PCBP3: variants seen among roughly 807,000 people sequenced by gnomAD.
The protein encoded by PCBP3 is poly(rC) binding protein 3, also known as poly(rC)-binding protein 3.
In PCBP3, 25 loss-of-function variants were observed where a neutral mutation model predicts 52.7. That is an observed-to-expected ratio of 0.47 (90% CI 0.35 to 0.66). PCBP3 has a LOEUF of 0.66. PCBP3 is among the 30% of genes least tolerant of loss of function. The probability of loss-of-function intolerance (pLI) is 0.01; values close to 1 mark genes in which losing one functional copy is unlikely to be tolerated. For missense variants in PCBP3, 391 were observed against 490.3 expected, an observed-to-expected ratio of 0.80 and a Z score of 1.91; for synonymous variants, 162 against 183.0, an observed-to-expected ratio of 0.89 and a Z score of 0.93.
chr21:45,909,135 C>G (rs2096276620), intron 9 of PCBP3, among the ~76,000 whole-genome samples: 1 of 152,116 alleles, frequency 6.6e-6, no homozygotes, highest in Admixed American at 6.5e-5. Context: ...GGCACGGTGA[C>G]CATCCTGCCT....
intron 4 of PCBP3, among the ~76,000 whole-genome samples, chr21:45,756,342 T>G (rs1303687675): frequency 6.6e-6 from 1 of 152,234 alleles, no homozygotes; most frequent in East Asian, 1.9e-4. Context: ...AGCTTTATAA[T>G]AAGTCTTGAA....
chr21:45,838,331 C>G (rs553039446), intron 4 of PCBP3, among the ~76,000 whole-genome samples: 1 of 152,224 alleles, frequency 6.6e-6, no homozygotes, highest in South Asian at 2.1e-4. Context: ...GTGTTCCCAC[C>G]TTACCTTTTA....
At chr21:45,909,297 C>T in intron 9 of PCBP3, 58 bp from the exon 10 acceptor site, 1 of 1,568,366 alleles carries the variant, frequency 6.4e-7, no homozygotes, top group Non-Finnish European at 8.7e-7. Context: ...CCCCTGCCCT[C>T]CTGCTTTCTC....
intron 9 of PCBP3, among the ~76,000 whole-genome samples, chr21:45,902,278 CCCTAT>C (rs1255525925): frequency 1.4e-5 from 1 of 70,446 alleles, no homozygotes; most frequent in East Asian, 2.9e-4. Context: ...GCCAGTGTTC[CCCTAT>C]CGTAGGTGGC....
At chr21:45,714,355 T>C (rs1010540953) in intron 2 of PCBP3, among the ~76,000 whole-genome samples, 4 of 152,212 alleles carry the variant, frequency 2.6e-5, no homozygotes, top group Non-Finnish European at 4.4e-5. Context: ...TCTGGTTGCT[T>C]AGGCCAAAAG....
intron 10 of PCBP3, among the ~76,000 whole-genome samples, chr21:45,909,873 GGACCCGGCCA>G: frequency 1.3e-5 from 1 of 76,618 alleles, no homozygotes; most frequent in African/African-American, 5.4e-5. Flanking sequence ...GCCCAGATAC[GGACCCGGCCA>G]CCCACTGCCC....
intron 3 of PCBP3, chr21:45,748,072 T>TG (rs1268856770): frequency 6.5e-6 from 1 of 152,704 alleles, no homozygotes; most frequent in Admixed American, 6.5e-5. Context: ...CTGTTGCTGC[T>TG]GGTCCGTGGT....
At chr21:45,855,647 G>T (rs981262932) in intron 5 of PCBP3, among the ~76,000 whole-genome samples, 1 of 152,222 alleles carries the variant, frequency 6.6e-6, no homozygotes, top group Admixed American at 6.5e-5. Flanking sequence ...TCCGTACCCC[G>T]CCACCCTAGG....
intron 16 of PCBP3, among the ~76,000 whole-genome samples, chr21:45,937,987 C>T (rs923174230): frequency 2.0e-5 from 3 of 152,236 alleles, no homozygotes; most frequent in African/African-American, 7.2e-5. Context: ...GCAAAGGCAG[C>T]ACCCTCCAGA....
chr21:45,846,957 A>C (rs1264386994), intron 4 of PCBP3, among the ~76,000 whole-genome samples: 1 of 152,274 alleles, frequency 6.6e-6, no homozygotes, highest in Non-Finnish European at 1.5e-5. Flanking sequence ...TCACAGGGCC[A>C]AAACCATTTA....
chr21:45,781,757 T>A (rs1417361600), intron 4 of PCBP3, among the ~76,000 whole-genome samples: 1 of 152,218 alleles, frequency 6.6e-6, no homozygotes, highest in African/African-American at 2.4e-5. Flanking sequence ...ATCTATATAA[T>A]GGAATACTGA....
chr21:45,714,607 G>T lies in PCBP3; in HGVS notation c.-199-20785G>T, dbSNP rs531141900. Among the ~76,000 whole-genome samples, 7 of 152,284 alleles carry T rather than the reference G, an allele frequency of 4.6e-5. No individual in the cohort carries two copies. In the East Asian group the frequency reaches 1.3e-3, roughly 29 times the overall value. On this transcript the variant is annotated intron_variant, in intron 2 of 17. Coordinates refer to ENST00000681687, the MANE Select transcript of PCBP3 (RefSeq NM_001384156.1). ...AAGAATAAGCATATAATAGATAAAA[G>T]GCTGTAAAATGACAAGTCAAATTGA...
intron 4 of PCBP3, among the ~76,000 whole-genome samples, chr21:45,804,042 T>G (rs1472800672): frequency 6.6e-6 from 1 of 152,200 alleles, no homozygotes; most frequent in Non-Finnish European, 1.5e-5. Context: ...ATCTGTGGTG[T>G]TGTGGGCCTC....
At chr21:45,781,138 C>A (rs963449174) in intron 4 of PCBP3, among the ~76,000 whole-genome samples, 19 of 152,122 alleles carry the variant, frequency 1.2e-4, no homozygotes, top group Non-Finnish European at 2.5e-4. Context: ...AGCCCTGCTC[C>A]TGGTATAAGA....
At chr21:45,778,556 T>C (rs1000443297) in intron 4 of PCBP3, among the ~76,000 whole-genome samples, 2 of 152,076 alleles carry the variant, frequency 1.3e-5, no homozygotes, top group Non-Finnish European at 2.9e-5. Flanking sequence ...GTGGTGGCTG[T>C]GATGAGCAGG....
At chr21:45,767,102 G>A (rs1244398039) in intron 4 of PCBP3, among the ~76,000 whole-genome samples, 3 of 152,044 alleles carry the variant, frequency 2.0e-5, no homozygotes, top group Non-Finnish European at 2.9e-5. Flanking sequence ...AAGTGTATAA[G>A]TCAGTGGCAT....
chr21:45,905,236 C>T (rs931540614), intron 9 of PCBP3, among the ~76,000 whole-genome samples: 1 of 152,198 alleles, frequency 6.6e-6, no homozygotes. Flanking sequence ...CCCAGAGCAC[C>T]TCCTCCAACG....
At chr21:45,857,671 G>C (rs1382085685) in intron 5 of PCBP3, among the ~76,000 whole-genome samples, 3 of 152,048 alleles carry the variant, frequency 2.0e-5, no homozygotes, top group Middle Eastern at 3.2e-3. Context: ...CAGCCACCCT[G>C]GGCACAAGTT....
At chr21:45,758,223 A>C (rs2088264103) in intron 4 of PCBP3, among the ~76,000 whole-genome samples, 1 of 152,116 alleles carries the variant, frequency 6.6e-6, no homozygotes, top group Non-Finnish European at 1.5e-5. Flanking sequence ...GATCCTGGAG[A>C]TTTATAGGTT....
Sources: allele counts gnomAD v4.1 joint callset (sites outside exome capture counted in the v4.1 genomes callset), GRCh38; gene constraint gnomAD v4.1.1; transcripts MANE v1.5; gene names NCBI Gene and HGNC (gene_info 2026-07-23, HGNC 2026-07-21).